The following ADGRL2 variants were observed in gnomAD, a reference collection of about 807,000 sequenced individuals.
ADGRL2 encodes the protein adhesion G protein-coupled receptor L2.
ADGRL2 carries 44 observed loss-of-function variants against 157.4 expected under a neutral mutation model. The ratio of observed to expected loss-of-function variants is 0.28; its 90% CI spans 0.22 to 0.36. The LOEUF is 0.36. Ranked by LOEUF, ADGRL2 falls within the 10% of genes least tolerant of loss-of-function variation. The pLI is 1.00. For synonymous variants in ADGRL2, 585 were observed against 624.7 expected (o/e 0.94, Z 0.95); for missense variants, 1,510 against 1,768.9 (o/e 0.85, Z 2.63).
intron 1 of ADGRL2, among the ~76,000 whole-genome samples, chr1:81,396,971 G>A (rs1197334078): frequency 6.6e-6 from 1 of 152,074 alleles, no homozygotes; most frequent in African/African-American, 2.4e-5. Flanking sequence ...TTTTGATATC[G>A]TAGTAATGTT....
intron 2 of ADGRL2, among the ~76,000 whole-genome samples, chr1:81,865,778 T>G (rs1389215881): frequency 2.0e-5 from 3 of 152,180 alleles, no homozygotes; most frequent in African/African-American, 7.2e-5. Flanking sequence ...ATTGAAAATT[T>G]TGTTGGAAAT....
chr1:81,495,431 TTAG>T (rs1220826601), intron 2 of ADGRL2, among the ~76,000 whole-genome samples: 1 of 152,188 alleles, frequency 6.6e-6, no homozygotes, highest in East Asian at 1.9e-4. Context: ...TTGTCAGTAA[TTAG>T]TAGTACCTAA....
chr1:81,798,516 T>C (rs920776053), upstream of ADGRL2, among the ~76,000 whole-genome samples: 1 of 151,890 alleles, frequency 6.6e-6, no homozygotes, highest in Non-Finnish European at 1.5e-5. Context: ...CTCTTTGAAC[T>C]CTATAGAATA....
chr1:81,814,937 A>G (rs1352135371), intron 1 of ADGRL2, among the ~76,000 whole-genome samples: 2 of 151,872 alleles, frequency 1.3e-5, no homozygotes, highest in East Asian at 3.9e-4. Context: ...ACACAGTAGC[A>G]TTACCTTTAT....
At chr1:81,724,356 A>C (rs1470047237) in intron 1 of ADGRL2, among the ~76,000 whole-genome samples, 1 of 152,168 alleles carries the variant, frequency 6.6e-6, no homozygotes, top group Non-Finnish European at 1.5e-5. Flanking sequence ...TATTTTGAAA[A>C]TAATAAGGTT....
intron 3 of ADGRL2, among the ~76,000 whole-genome samples, chr1:81,679,776 G>T (rs552390405): frequency 2.0e-5 from 3 of 152,194 alleles, no homozygotes; most frequent in Non-Finnish European, 4.4e-5. Flanking sequence ...AGTACCTCAT[G>T]CTAAAGATCT....
intron 3 of ADGRL2, among the ~76,000 whole-genome samples, chr1:81,611,944 T>G (rs908689455): frequency 1.3e-5 from 2 of 152,146 alleles, no homozygotes; most frequent in Non-Finnish European, 2.9e-5. Flanking sequence ...CCCCATGCTC[T>G]CTCTCTCTTG....
intron 1 of ADGRL2, among the ~76,000 whole-genome samples, chr1:81,349,023 A>G (rs1186306415): frequency 6.6e-6 from 1 of 152,202 alleles, no homozygotes. Flanking sequence ...AGTCACACTG[A>G]TTTTTGATTA....
At chr1:81,399,652 C>T (rs1307036511) in intron 1 of ADGRL2, among the ~76,000 whole-genome samples, 1 of 152,066 alleles carries the variant, frequency 6.6e-6, no homozygotes, top group East Asian at 1.9e-4. Context: ...ATATCTATCT[C>T]CTTGCTACAT....
chr1:81,341,837 T>G (rs61768873), intron 1 of ADGRL2, among the ~76,000 whole-genome samples: 31,792 of 152,104 alleles, frequency 0.21, 3,425 homozygotes, highest in Admixed American at 0.27. Context: ...TGCTAGTAAC[T>G]GCATTTATTT....
intron 20 of ADGRL2, 112 bp from the exon 21 acceptor site, chr1:81,985,147 G>A (rs1662791986): frequency 5.7e-6 from 3 of 527,308 alleles, no homozygotes; most frequent in South Asian, 3.5e-5. Flanking sequence ...TCTTTAAAAG[G>A]CCACCAGATA....
At chr1:81,437,271 T>C (rs2077426128) in intron 1 of ADGRL2, among the ~76,000 whole-genome samples, 1 of 151,386 alleles carries the variant, frequency 6.6e-6, no homozygotes, top group Non-Finnish European at 1.5e-5. Context: ...GAACTAATTT[T>C]TCTCTACTGT....
intron 3 of ADGRL2, among the ~76,000 whole-genome samples, chr1:81,631,882 G>A (rs552164745): frequency 2.0e-5 from 3 of 152,112 alleles, no homozygotes; most frequent in East Asian, 1.9e-4. Context: ...AATTTGGAAC[G>A]TTTTCCTTGA....
At chr1:81,421,699 CT>C (rs34389652) in intron 1 of ADGRL2, among the ~76,000 whole-genome samples, 55 of 148,010 alleles carry the variant, frequency 3.7e-4, no homozygotes, top group Middle Eastern at 3.4e-3. Context: ...ACTAAATATT[CT>C]TTTTTTTTTT....
intron 3 of ADGRL2, among the ~76,000 whole-genome samples, chr1:81,693,383 A>C (rs1326682782): frequency 6.6e-6 from 1 of 152,204 alleles, no homozygotes; most frequent in Non-Finnish European, 1.5e-5. Context: ...CAGACTCATC[A>C]TTTGTTCAAT....
intron 2 of ADGRL2, among the ~76,000 whole-genome samples, chr1:81,548,886 T>A (rs961341769): frequency 6.6e-6 from 1 of 152,072 alleles, no homozygotes; most frequent in Non-Finnish European, 1.5e-5. Flanking sequence ...AATGAGTGAG[T>A]GACATTTCAA....
chr1:81,768,898 C>T (rs1282863411), intron 2 of ADGRL2, among the ~76,000 whole-genome samples: 4 of 151,994 alleles, frequency 2.6e-5, no homozygotes, highest in South Asian at 4.1e-4. Flanking sequence ...CTGGCCAACA[C>T]GGTGAAACCC....
intron 1 of ADGRL2, among the ~76,000 whole-genome samples, chr1:81,308,623 CA>C (rs1570579039): frequency 6.6e-6 from 1 of 152,090 alleles, no homozygotes; most frequent in African/African-American, 2.4e-5. Flanking sequence ...ACCAAATTAC[CA>C]GGGTTTGACA....
At chr1:81,444,803 T>C (rs1224382421) in intron 1 of ADGRL2, among the ~76,000 whole-genome samples, 1 of 152,188 alleles carries the variant, frequency 6.6e-6, no homozygotes, top group Non-Finnish European at 1.5e-5. Context: ...TTTTAGATCT[T>C]TTTGCTTTTT....
Sources: gnomAD v4.1 joint callset for allele counts (sites outside exome capture counted in the v4.1 genomes callset) on GRCh38, gnomAD v4.1.1 for gene constraint, MANE v1.5 for transcripts, NCBI Gene and HGNC (gene_info 2026-07-23, HGNC 2026-07-21) for gene names.